The following PLEKHA5 variants were observed in gnomAD, a reference collection of about 807,000 sequenced individuals.
PLEKHA5 encodes pleckstrin homology domain containing A5.
A neutral mutation model predicts 181.9 loss-of-function variants in PLEKHA5; 55 were observed. The observed-to-expected ratio is 0.30, with a 90% CI of 0.24 to 0.38. PLEKHA5 has a LOEUF of 0.38. PLEKHA5 is among the 10% of genes least tolerant of loss of function. The pLI, the probability that PLEKHA5 is intolerant of heterozygous loss-of-function variation, is 1.00. For missense variants in PLEKHA5, 1,432 were observed against 1,549.5 expected, an observed-to-expected ratio of 0.92 and a Z score of 1.27; for synonymous variants, 535 against 529.4, an observed-to-expected ratio of 1.01 and a Z score of -0.15.
intron 29 of PLEKHA5, among the ~76,000 whole-genome samples, chr12:19,364,864 C>T (rs1351692227): frequency 6.6e-6 from 1 of 152,008 alleles, no homozygotes; most frequent in Non-Finnish European, 1.5e-5. Flanking sequence ...AGAGTTTCAC[C>T]ATCTTGGCTA....
chr12:19,178,456 C>A (rs970937408), intron 3 of PLEKHA5, among the ~76,000 whole-genome samples: 1 of 152,266 alleles, frequency 6.6e-6, no homozygotes, highest in East Asian at 1.9e-4. Flanking sequence ...TGCAGCTACA[C>A]GAAGTGGAGC....
chr12:19,320,695 T>G, intron 18 of PLEKHA5, 71 bp downstream of exon 18: 1 of 707,230 alleles, frequency 1.4e-6, no homozygotes, highest in African/African-American at 1.8e-5. Flanking sequence ...GAAATAAGCA[T>G]GACCAAAAAA....
chr12:19,149,284 C>T (rs1482456925), intron 3 of PLEKHA5, among the ~76,000 whole-genome samples: 7 of 151,982 alleles, frequency 4.6e-5, no homozygotes, highest in East Asian at 1.9e-4. Context: ...GGACGGATCA[C>T]GAGGTCGGGA....
At chr12:19,201,193 T>A (rs1592044024) in intron 3 of PLEKHA5, 1 of 151,996 alleles carries the variant, frequency 6.6e-6, no homozygotes, top group African/African-American at 2.4e-5. Context: ...GAGGGAAAAA[T>A]TTAAATATAT....
intron 3 of PLEKHA5, among the ~76,000 whole-genome samples, chr12:19,239,444 C>T (rs1235361256): frequency 1.3e-5 from 2 of 152,050 alleles, no homozygotes; most frequent in African/African-American, 4.8e-5. Flanking sequence ...ATTTCTGTCC[C>T]CCTCGTGCCT....
At position 19,257,451 on chromosome 12, in the gene PLEKHA5, AAAG is replaced by A; in HGVS notation, c.452_454del (p.Lys151_Val152delinsIle). The A allele has an allele frequency of 6.3e-7, 1 of 1,594,028 alleles. No individual in the cohort carries two copies. The highest frequency in any genetic ancestry group is 1.1e-5 in the South Asian group (1 of 89,488). ...TATTTAGACTTCACGAGCTTCAAAA[AAAG>A]TTCATAATTTTGGAAAGAGGTCAAA... On this transcript the variant is annotated inframe_deletion, in exon 6 of 32. Transcript: ENST00000429027.
At chr12:19,321,289 AT>A (rs2090653048) in intron 18 of PLEKHA5, among the ~76,000 whole-genome samples, 1 of 145,804 alleles carries the variant, frequency 6.9e-6, no homozygotes, top group South Asian at 2.2e-4. Flanking sequence ...TTTAAATCAT[AT>A]TTTAGATTGC....
At chr12:19,129,975 G>C (rs965109549) in intron 1 of PLEKHA5, 76 bp from the exon 2 acceptor site, 1 of 1,456,234 alleles carries the variant, frequency 6.9e-7, no homozygotes, top group Non-Finnish European at 9.4e-7. Flanking sequence ...GCCCGGGTCT[G>C]TGCTCCTGCA....
chr12:19,184,977 A>G (rs73345028), intron 3 of PLEKHA5, among the ~76,000 whole-genome samples: 16,626 of 152,200 alleles, frequency 0.11, 1,253 homozygotes, highest in African/African-American at 0.22. Flanking sequence ...AGTGCTTACA[A>G]GTTGAGGAAG....
At position 19,255,077 on chromosome 12, in the gene PLEKHA5, A is replaced by G. The variant is rs752692613; in HGVS notation, c.344A>G (p.Lys115Arg). The G allele has an allele frequency of 6.2e-7, 1 of 1,610,188 alleles. No homozygotes were observed. Among genetic ancestry groups the G allele is most frequent in the Non-Finnish European group, 8.5e-7 (1 of 1,177,210 alleles). The change falls in exon 5 of 32, where the codon AAG (lysine) becomes AGG (arginine). Residue 115 changes from lysine to arginine, a missense_variant. By Grantham distance (26) the Lys-to-Arg change is conservative. Around this residue, in one of 2 missense-constraint regions of PLEKHA5, gnomAD observed 289 missense variants for 381.1 expected, o/e 0.76. Coordinates refer to ENST00000429027, the MANE Select transcript of PLEKHA5 (RefSeq NM_001256470.2). ...GCAACCATGACATCTGAAGAAAAGA[A>G]GGAACGGCCAATAAGTATGATAAAT... is the stretch of plus-strand genomic sequence containing the variant. The part of the protein sequence containing the change: ...TVATMTSEEK[K>R]ERPISMINEA...
intron 3 of PLEKHA5, among the ~76,000 whole-genome samples, chr12:19,138,116 A>G (rs2036204555): frequency 6.6e-6 from 1 of 152,198 alleles, no homozygotes; most frequent in Non-Finnish European, 1.5e-5. Context: ...ACAGGGCCTT[A>G]CATAGGACCT....
At chr12:19,354,701 C>G (rs922321149) in intron 26 of PLEKHA5, among the ~76,000 whole-genome samples, 1 of 151,720 alleles carries the variant, frequency 6.6e-6, no homozygotes, top group Non-Finnish European at 1.5e-5. Context: ...CCAGGATGGT[C>G]TCAATCTCCT....
intron 3 of PLEKHA5, among the ~76,000 whole-genome samples, chr12:19,172,842 A>G (rs2046225343): frequency 2.0e-5 from 3 of 152,010 alleles, no homozygotes; most frequent in African/African-American, 7.2e-5. Context: ...TGAACACTGT[A>G]TTTATTGCTC....
intron 3 of PLEKHA5, among the ~76,000 whole-genome samples, chr12:19,147,815 C>G (rs758241707): frequency 2.6e-5 from 4 of 152,094 alleles, no homozygotes; most frequent in Non-Finnish European, 5.9e-5. Flanking sequence ...GAGCTCACCT[C>G]AGCTTTGAAT....
intron 3 of PLEKHA5, among the ~76,000 whole-genome samples, chr12:19,174,602 GC>G (rs1046876275): frequency 6.6e-6 from 1 of 152,142 alleles, no homozygotes. Flanking sequence ...GGACCGTTCT[GC>G]CCAACTTTTT....
intron 15 of PLEKHA5, chr12:19,306,432 G>A: frequency 1.7e-6 from 1 of 586,300 alleles, no homozygotes; most frequent in East Asian, 4.3e-5. Context: ...GGCGACTGGA[G>A]CAGCAGAGGC....
chr12:19,275,300 T>TTGTCCCCTGCCA (rs2074183267), intron 11 of PLEKHA5, among the ~76,000 whole-genome samples: 1 of 151,988 alleles, frequency 6.6e-6, no homozygotes, highest in African/African-American at 2.4e-5. Context: ...CACCCCTGTC[T>TTGTCCCCTGCCA]TGTCCCCTGC....
chr12:19,254,056 C>A, intron 4 of PLEKHA5, 33 bp downstream of exon 4: 2 of 1,269,158 alleles, frequency 1.6e-6, no homozygotes, highest in Non-Finnish European at 2.3e-6. Flanking sequence ...TGCCTGTATT[C>A]AAAATTGGGT....
intron 20 of PLEKHA5, among the ~76,000 whole-genome samples, chr12:19,328,597 G>A (rs1592509543): frequency 7.8e-6 from 1 of 127,456 alleles, no homozygotes; most frequent in African/African-American, 3.0e-5. Flanking sequence ...GTGTGTGTGT[G>A]TATTGTAAAT....
Sources: gnomAD v4.1 joint callset for allele counts (sites outside exome capture counted in the v4.1 genomes callset) on GRCh38, gnomAD v4.1.1 for gene constraint, gnomAD v4.1.1 regional missense constraint, MANE v1.5 for transcripts, NCBI Gene and HGNC (gene_info 2026-07-23, HGNC 2026-07-21) for gene names.